Variants in SLX4IP observed in about 807,000 individuals in gnomAD.
SLX4IP encodes the protein protein SLX4IP.
In SLX4IP, 34 loss-of-function variants were observed where a neutral mutation model predicts 32.9. The ratio of observed to expected loss-of-function variants is 1.03; its 90% CI spans 0.79 to 1.38. The LOEUF (loss-of-function observed/expected upper bound fraction) is 1.38, where lower values mean the gene tolerates loss of function less well. Among genes scored for constraint, SLX4IP ranks in the 40% most tolerant of loss-of-function variants. The pLI, the probability that SLX4IP is intolerant of heterozygous loss-of-function variation, is 0.00. For synonymous variants in SLX4IP, 172 were observed against 171.7 expected (o/e 1.00, Z -0.01); for missense variants, 444 against 479.0 (o/e 0.93, Z 0.68).
chr20:10,591,798 G>T (rs2066712714), intron 4 of SLX4IP, among the ~76,000 whole-genome samples: 1 of 152,122 alleles, frequency 6.6e-6, no homozygotes, highest in African/African-American at 2.4e-5. Flanking sequence ...AAACAAAAAA[G>T]TGGGAAAGCA....
Position 10,613,267 on chromosome 20 carries a change from A to T in SLX4IP, c.406-8047A>T, listed in dbSNP as rs965384216. On this transcript the variant is annotated intron_variant, in intron 6 of 7. Coordinates refer to ENST00000334534, the MANE Select transcript of SLX4IP (RefSeq NM_001009608.3). ...CAATGTCAAGTGCTTTCTAGGAAAT[A>T]CTAAGATCAGGTTGAGAGATTCTGC... 4 of 630,332 alleles carry T rather than the reference A, an allele frequency of 6.3e-6. No homozygotes were observed. In the African/African-American group the frequency reaches 7.4e-5, roughly 12 times the overall value. The allele number at this position is 630,332 out of a possible 1,614,324, so 39.0% of individuals were successfully genotyped here.
intron 4 of SLX4IP, among the ~76,000 whole-genome samples, chr20:10,562,366 C>G (rs929700601): frequency 6.6e-6 from 1 of 152,136 alleles, no homozygotes; most frequent in African/African-American, 2.4e-5. Context: ...GTTGGGCCGC[C>G]CAGCTGCCGG....
rs530081443 is a variant in SLX4IP at position 10,589,654 on chromosome 20, C to T, written c.239-9021C>T. Among the ~76,000 whole-genome samples the T allele has an allele frequency of 5.1e-4, 78 of 152,158 alleles. No individual in the cohort carries two copies. In the Middle Eastern group the frequency reaches 0.014, roughly 27 times the overall value. The stretch of plus-strand genomic sequence containing the variant: ...TTATTCATTTGGGAAAGAATAAAAA[C>T]GGATTTCTAAATGGTATCATACACA... On this transcript the variant is annotated intron_variant, in intron 4 of 7. Coordinates refer to ENST00000334534, the MANE Select transcript of SLX4IP (RefSeq NM_001009608.3).
intron 6 of SLX4IP, among the ~76,000 whole-genome samples, chr20:10,617,652 C>CTTTTTTTTTTTTTTTTT (rs549525000): frequency 4.4e-5 from 5 of 112,756 alleles, no homozygotes; most frequent in Admixed American, 1.1e-4. Flanking sequence ...TTCTTTCTTT[C>CTTTTTTTTTTTTTTTTT]TTTTTTTTTT....
At chr20:10,557,861 G>A (rs1157298556) in intron 3 of SLX4IP, among the ~76,000 whole-genome samples, 6 of 152,288 alleles carry the variant, frequency 3.9e-5, no homozygotes, top group Admixed American at 2.6e-4. Flanking sequence ...ATGCAGCTGC[G>A]TGGATGCTCA....
intron 4 of SLX4IP, among the ~76,000 whole-genome samples, chr20:10,576,937 G>A (rs183110602): frequency 5.3e-5 from 8 of 151,922 alleles, no homozygotes; most frequent in African/African-American, 1.7e-4. Context: ...TCCTATTTGC[G>A]GTGTTTTTTT....
At chr20:10,542,868 A>T (rs1056726826) in intron 2 of SLX4IP, among the ~76,000 whole-genome samples, 2 of 152,176 alleles carry the variant, frequency 1.3e-5, no homozygotes, top group Admixed American at 6.5e-5. Flanking sequence ...CCAGATATGC[A>T]CTGTCCCCTT....
At chr20:10,501,714 C>T (rs567329843) in intron 2 of SLX4IP, among the ~76,000 whole-genome samples, 3 of 151,276 alleles carry the variant, frequency 2.0e-5, no homozygotes, top group Non-Finnish European at 4.4e-5. Context: ...TTCTACTTAC[C>T]CAGACAAACA....
At chr20:10,613,653 T>C in intron 6 of SLX4IP, 2 of 1,614,046 alleles carry the variant, frequency 1.2e-6, no homozygotes, top group Middle Eastern at 1.7e-4. Context: ...CCTCCTTTTC[T>C]TTGCATTCAT....
chr20:10,565,996 A>G (rs187723622), intron 4 of SLX4IP, among the ~76,000 whole-genome samples: 218 of 152,354 alleles, frequency 1.4e-3, no homozygotes, highest in African/African-American at 5.1e-3. Context: ...AACAGCCAAA[A>G]AAGTAACTGA....
At chr20:10,550,619 C>A (rs1275816516) in intron 2 of SLX4IP, among the ~76,000 whole-genome samples, 1 of 152,162 alleles carries the variant, frequency 6.6e-6, no homozygotes, top group Non-Finnish European at 1.5e-5. Context: ...CCAAGAGAGC[C>A]CTCCAGCCCA....
At chr20:10,558,467 C>G (rs2066293443) in intron 3 of SLX4IP, among the ~76,000 whole-genome samples, 2 of 152,096 alleles carry the variant, frequency 1.3e-5, no homozygotes, top group Non-Finnish European at 2.9e-5. Flanking sequence ...TTCAGTGTCC[C>G]CAGGCTTTCA....
chr20:10,471,913 A>G (rs760112665), intron 2 of SLX4IP, among the ~76,000 whole-genome samples: 10 of 152,054 alleles, frequency 6.6e-5, no homozygotes, highest in Non-Finnish European at 1.3e-4. Flanking sequence ...CCCTTACAAC[A>G]TGGCATCTAG....
chr20:10,461,418 G>A lies in SLX4IP; in HGVS notation c.27+3187G>A, dbSNP rs2065337116. On this transcript the variant is annotated intron_variant, in intron 2 of 7. Coordinates refer to ENST00000334534, the MANE Select transcript of SLX4IP (RefSeq NM_001009608.3). The stretch of plus-strand genomic sequence containing the variant: ...TGCCTCAACCGTGAGTATCAGGCTA[G>A]CATAATAGGGATAGGGACAGGGTTC... Among the ~76,000 whole-genome samples, 3 of 152,232 alleles carry A rather than the reference G, an allele frequency of 2.0e-5. No individual in the cohort carries two copies. The South Asian group carries it at 6.2e-4, about 31-fold the overall frequency.
intron 2 of SLX4IP, among the ~76,000 whole-genome samples, chr20:10,489,414 TTTTA>T (rs1465867045): frequency 6.6e-6 from 1 of 152,170 alleles, no homozygotes; most frequent in Non-Finnish European, 1.5e-5. Context: ...TCTCTTTAGA[TTTTA>T]TTTTTCTCTT....
At position 10,545,178 on chromosome 20, in the gene SLX4IP, T is replaced by C. The variant is rs1444995525; in HGVS notation, c.28-11053T>C. On this transcript the variant is annotated intron_variant, in intron 2 of 7. Coordinates refer to ENST00000334534, the MANE Select transcript of SLX4IP (RefSeq NM_001009608.3). ...CTCTAGTGGGTAAATATCCCTAAGGTCGTACACACAGAGAGCTTTCCTGAA... is the reference window on the plus strand; with the variant it reads ...CTCTAGTGGGTAAATATCCCTAAGGCCGTACACACAGAGAGCTTTCCTGAA... 2.0e-5 allele frequency among the ~76,000 whole-genome samples: 3 copies of C among 152,046 alleles called. No homozygotes were observed. In the South Asian group the frequency reaches 6.2e-4, roughly 32 times the overall value.
At chr20:10,539,035 C>G (rs1366863678) in intron 2 of SLX4IP, among the ~76,000 whole-genome samples, 10 of 152,076 alleles carry the variant, frequency 6.6e-5, no homozygotes, top group Admixed American at 6.5e-4. Context: ...TTTATCTCAC[C>G]AAATAAAAAT....
rs745763452 is a variant in SLX4IP at position 10,623,135 on chromosome 20, G to A, written c.983G>A (p.Ser328Asn). 1 of 1,614,172 alleles carries A rather than the reference G, an allele frequency of 6.2e-7. No homozygotes were observed. Among genetic ancestry groups the A allele is most frequent in the East Asian group, 2.2e-5 (1 of 44,886 alleles). The change falls in exon 8 of 8, where the codon AGC becomes AAC. Residue 328 changes from serine to asparagine, a missense_variant. Transcript: ENST00000334534. ...LVPREIIVEK[S>N]KAVRVLPASE... The stretch of plus-strand genomic sequence containing the variant: ...CCGAGAGAAATAATAGTGGAAAAAA[G>A]CAAAGCTGTCAGGGTTTTGCCAGCT...
chr20:10,623,257 C>T lies in SLX4IP; in HGVS notation c.1105C>T (p.His369Tyr), dbSNP rs2122575406. ...TGTTTTGGAAAGTCTCTCCTCCAGA[C>T]ATCTTATGAAAAATAACCCAGGGCA... Reference protein sequence around the residue: ...LHVLESLSSRHLMKNNPGQAQ... With the variant: ...LHVLESLSSRYLMKNNPGQAQ... Residue 369 changes from histidine (H) to tyrosine (Y), a missense_variant, in exon 8 of 8, where the codon CAT (histidine) becomes TAT (tyrosine). His to Tyr is a moderately conservative substitution (Grantham distance 83). Transcript: ENST00000334534. 3.1e-6 allele frequency: 5 copies of T among 1,614,226 alleles called. No homozygotes were observed. Among genetic ancestry groups the T allele is most frequent in the Non-Finnish European group, 4.2e-6 (5 of 1,180,046 alleles).
Sources: allele counts gnomAD v4.1 joint callset (sites outside exome capture counted in the v4.1 genomes callset), GRCh38; gene constraint gnomAD v4.1.1; transcripts MANE v1.5; gene names NCBI Gene and HGNC (gene_info 2026-07-23, HGNC 2026-07-21).